AGMO: variants seen among roughly 807,000 people sequenced by gnomAD.
The protein encoded by AGMO is glyceryl-ether monooxygenase.
Under a neutral mutation model 60.2 loss-of-function variants are expected in AGMO, and 75 were observed. The observed-to-expected ratio is 1.25, with a 90% CI of 1.03 to 1.51. The LOEUF is 1.51. AGMO is among the 40% of genes most tolerant of loss of function. AGMO has a pLI of 0.00. For missense variants in AGMO, 763 were observed against 525.5 expected, an observed-to-expected ratio of 1.45 and a Z score of -4.42; for synonymous variants, 261 against 177.1, an observed-to-expected ratio of 1.47 and a Z score of -3.76.
chr7:15,125,635 T>C, the AGMO span, among the ~76,000 whole-genome samples: 1 of 151,996 alleles, frequency 6.6e-6, no homozygotes, highest in Non-Finnish European at 1.5e-5. Context: ...ACAATACGTA[T>C]ATATGACCAT....
intron 12 of AGMO, among the ~76,000 whole-genome samples, chr7:15,302,805 A>G (rs1178194601): frequency 1.3e-5 from 2 of 152,154 alleles, no homozygotes; most frequent in Admixed American, 1.3e-4. Context: ...CATGTAAGTC[A>G]TGGAGCAGTC....
At chr7:15,382,870 ATACT>A (rs1244129472) in intron 10 of AGMO, among the ~76,000 whole-genome samples, 2 of 152,066 alleles carry the variant, frequency 1.3e-5, no homozygotes, top group African/African-American at 4.8e-5. Context: ...AAATGATTAG[ATACT>A]TTGTTTGAAA....
chr7:15,354,494 GTGTATATATATATATATA>G (rs1782437064), intron 12 of AGMO, among the ~76,000 whole-genome samples: 1 of 11,598 alleles, frequency 8.6e-5, no homozygotes, highest in African/African-American at 3.4e-4. Context: ...ATATACACAC[GTGTATATATATATATATA>G]TATATATATA....
chr7:15,147,274 C>G, the AGMO span, among the ~76,000 whole-genome samples: 6 of 152,150 alleles, frequency 3.9e-5, no homozygotes, highest in Non-Finnish European at 8.8e-5. Flanking sequence ...AAAGACATAT[C>G]CGAGACTGGG....
intron 6 of AGMO, among the ~76,000 whole-genome samples, chr7:15,393,833 G>T (rs1197360133): frequency 3.3e-5 from 5 of 152,050 alleles, no homozygotes; most frequent in Admixed American, 3.3e-4. Context: ...TTCCTCAGCT[G>T]GTTAACTCAT....
At chr7:15,318,210 G>A (rs1404574210) in intron 12 of AGMO, among the ~76,000 whole-genome samples, 2 of 151,598 alleles carry the variant, frequency 1.3e-5, no homozygotes, top group Non-Finnish European at 2.9e-5. Context: ...TCACTGTGTT[G>A]GCCAGGCTGG....
At chr7:15,366,551 A>C (rs1415200094) in intron 10 of AGMO, among the ~76,000 whole-genome samples, 1 of 152,086 alleles carries the variant, frequency 6.6e-6, no homozygotes, top group African/African-American at 2.4e-5. Context: ...CTCACATTTT[A>C]ATGTATAAAT....
chr7:15,290,875 G>A (rs1784244490), intron 12 of AGMO, among the ~76,000 whole-genome samples: 1 of 152,126 alleles, frequency 6.6e-6, no homozygotes, highest in South Asian at 2.1e-4. Flanking sequence ...AGACAAGGGG[G>A]CCATTAATAT....
At chr7:15,318,728 A>G (rs1256324231) in intron 12 of AGMO, among the ~76,000 whole-genome samples, 3 of 152,174 alleles carry the variant, frequency 2.0e-5, no homozygotes, top group African/African-American at 7.2e-5. Flanking sequence ...TTTTAAAAAT[A>G]CGGGCTAGAA....
intron 2 of AGMO, among the ~76,000 whole-genome samples, chr7:15,559,745 G>T (rs549952424): frequency 1.8e-4 from 28 of 152,044 alleles, no homozygotes; most frequent in Admixed American, 5.3e-4. Flanking sequence ...ACACCAATTA[G>T]CAAACTATTG....
rs371793663 is a variant in AGMO, at chr7:15,385,693, T to C, written c.958-131A>G. On this transcript the variant is annotated intron_variant, in intron 9 of 12. Transcript: ENST00000342526. ...AAAAGACAAACATAATTTTTAAAAATAGAAACATGTCTAAGTTAGGAGACT... is the reference window on the plus strand; with the variant it reads ...AAAAGACAAACATAATTTTTAAAAACAGAAACATGTCTAAGTTAGGAGACT... The C allele has an allele frequency of 1.6e-3, 1,027 of 657,092 alleles. 4 individuals carry two copies. Among genetic ancestry groups the C allele is most frequent in the African/African-American group, 5.5e-3 (296 of 53,852 alleles). The allele number at this position is 657,092 out of a possible 1,614,324, so 40.7% of individuals were successfully genotyped here.
chr7:15,481,293 T>C (rs1782741748), intron 3 of AGMO, among the ~76,000 whole-genome samples: 2 of 152,258 alleles, frequency 1.3e-5, no homozygotes, highest in African/African-American at 4.8e-5. Context: ...AACGGAATCT[T>C]TGTCAGTAGG....
intron 3 of AGMO, among the ~76,000 whole-genome samples, chr7:15,436,192 C>A (rs1257617307): frequency 6.6e-6 from 1 of 152,176 alleles, no homozygotes; most frequent in African/African-American, 2.4e-5. Context: ...GACTATAGAA[C>A]AGAAGAGCTA....
the AGMO span, among the ~76,000 whole-genome samples, chr7:15,194,770 T>TG: frequency 6.6e-6 from 1 of 152,198 alleles, no homozygotes; most frequent in Non-Finnish European, 1.5e-5. Context: ...TGCAGCCTAT[T>TG]ACGTAGGCCA....
chr7:15,413,265 CAAATT>C lies in AGMO; in HGVS notation c.609+5288_609+5292del, dbSNP rs1299743564. 5.3e-5 allele frequency among the ~76,000 whole-genome samples: 8 copies of C among 152,134 alleles called. No homozygotes were observed. The East Asian group carries it at 7.7e-4, about 15-fold the overall frequency. ...GTAAAAGATTAAATAAACTTGAAGA[CAAATT>C]AATATGTTATTCAATCTGGATACAA... On this transcript the variant is annotated intron_variant, in intron 5 of 12. Coordinates refer to ENST00000342526, the MANE Select transcript of AGMO (RefSeq NM_001004320.2).
At chr7:15,220,098 A>G (rs1781871499) in intron 12 of AGMO, among the ~76,000 whole-genome samples, 1 of 151,884 alleles carries the variant, frequency 6.6e-6, no homozygotes, top group East Asian at 1.9e-4. Context: ...TACAATATAT[A>G]ATCTCTGCTT....
At chr7:15,249,715 G>T (rs1782876779) in intron 12 of AGMO, among the ~76,000 whole-genome samples, 2 of 152,030 alleles carry the variant, frequency 1.3e-5, no homozygotes, top group Admixed American at 1.3e-4. Context: ...AGGGGTGGTG[G>T]GATTTGAAAG....
At chr7:15,223,884 T>G (rs984449980) in intron 12 of AGMO, among the ~76,000 whole-genome samples, 4 of 151,672 alleles carry the variant, frequency 2.6e-5, no homozygotes, top group Admixed American at 2.0e-4. Context: ...TATGTCAATG[T>G]CACAAATGTT....
chr7:15,335,013 T>G (rs1781610830), intron 12 of AGMO, among the ~76,000 whole-genome samples: 2 of 152,132 alleles, frequency 1.3e-5, no homozygotes. Context: ...AATGCTAGCT[T>G]TATGTTGTAA....
Sources: gnomAD v4.1 joint callset for allele counts (sites outside exome capture counted in the v4.1 genomes callset) on GRCh38, gnomAD v4.1.1 for gene constraint, MANE v1.5 for transcripts, NCBI Gene and HGNC (gene_info 2026-07-23, HGNC 2026-07-21) for gene names.